The following HEMK2 variants were observed in gnomAD, a reference collection of about 807,000 sequenced individuals.
HEMK2 encodes methyltransferase HEMK2.
the HEMK2 span, among the ~76,000 whole-genome samples, chr21:28,677,259 C>A: frequency 1.3e-5 from 2 of 152,234 alleles, no homozygotes; most frequent in Non-Finnish European, 2.9e-5. Flanking sequence ...TATCCCACGC[C>A]TGGCTCGGAG....
the HEMK2 span, among the ~76,000 whole-genome samples, chr21:28,727,402 T>C: frequency 6.6e-6 from 1 of 152,200 alleles, no homozygotes; most frequent in African/African-American, 2.4e-5. Context: ...TTTGGTTACA[T>C]CATCCTCAGG....
At chr21:28,788,277 TATACACACAC>T in the HEMK2 span, among the ~76,000 whole-genome samples, 19 of 132,232 alleles carry the variant, frequency 1.4e-4, no homozygotes, top group African/African-American at 6.7e-4. Context: ...TTCCATCATA[TATACACACAC>T]ACACACACAC....
the HEMK2 span, among the ~76,000 whole-genome samples, chr21:28,698,381 A>C: frequency 1.3e-5 from 2 of 152,300 alleles, no homozygotes; most frequent in South Asian, 4.1e-4. Flanking sequence ...TAAAATGAAA[A>C]ATTGTTTAAA....
At chr21:28,800,633 T>C in the HEMK2 span, among the ~76,000 whole-genome samples, 1 of 152,176 alleles carries the variant, frequency 6.6e-6, no homozygotes, top group East Asian at 1.9e-4. Flanking sequence ...TATATATCTG[T>C]AAATCTATAT....
At chr21:28,677,633 T>C in the HEMK2 span, among the ~76,000 whole-genome samples, 5 of 152,174 alleles carry the variant, frequency 3.3e-5, no homozygotes, top group Non-Finnish European at 7.3e-5. Context: ...GTAGCCTAAC[T>C]GGGAGGCACC....
chr21:28,692,955 G>C, the HEMK2 span, among the ~76,000 whole-genome samples: 1 of 152,164 alleles, frequency 6.6e-6, no homozygotes, highest in African/African-American at 2.4e-5. Context: ...CGAATCCAAA[G>C]TGGCAGAAAA....
At chr21:28,586,532 C>A in the HEMK2 span, among the ~76,000 whole-genome samples, 1 of 133,414 alleles carries the variant, frequency 7.5e-6, no homozygotes, top group Non-Finnish European at 1.7e-5. Flanking sequence ...AAATGCTAAA[C>A]AACTACCTCA....
chr21:28,711,240 G>A, the HEMK2 span, among the ~76,000 whole-genome samples: 4 of 152,212 alleles, frequency 2.6e-5, no homozygotes, highest in Admixed American at 6.5e-5. Context: ...GGAATGAGAC[G>A]CTTTCATTAT....
chr21:28,759,707 T>C, the HEMK2 span, among the ~76,000 whole-genome samples: 28 of 152,136 alleles, frequency 1.8e-4, no homozygotes, highest in Admixed American at 4.6e-4. Flanking sequence ...GTTCTAATGA[T>C]AGTGAATAAG....
the HEMK2 span, among the ~76,000 whole-genome samples, chr21:28,788,297 C>T: frequency 7.1e-6 from 1 of 140,304 alleles, no homozygotes; most frequent in Non-Finnish European, 1.5e-5. Context: ...CACACACACA[C>T]ACACACATAT....
the HEMK2 span, among the ~76,000 whole-genome samples, chr21:28,749,593 T>C: frequency 6.6e-6 from 1 of 152,206 alleles, no homozygotes; most frequent in South Asian, 2.1e-4. Context: ...TCAAGAAGTG[T>C]GAATACTGAT....
the HEMK2 span, among the ~76,000 whole-genome samples, chr21:28,843,167 C>A: frequency 2.6e-5 from 4 of 152,014 alleles, no homozygotes; most frequent in Admixed American, 2.0e-4. Context: ...TTTGTAAAGA[C>A]AAATTATGCA....
the HEMK2 span, among the ~76,000 whole-genome samples, chr21:28,623,584 CA>C: frequency 6.6e-6 from 1 of 152,128 alleles, no homozygotes; most frequent in Non-Finnish European, 1.5e-5. Flanking sequence ...GGAACCAACC[CA>C]AATGCCCATC....
the HEMK2 span, among the ~76,000 whole-genome samples, chr21:28,729,181 C>T: frequency 8.5e-5 from 13 of 152,282 alleles, no homozygotes; most frequent in East Asian, 1.9e-4. Context: ...TGGGCAGGTG[C>T]GAAAGCCTGT....
chr21:28,698,631 A>T, the HEMK2 span, among the ~76,000 whole-genome samples: 1 of 152,202 alleles, frequency 6.6e-6, no homozygotes, highest in Non-Finnish European at 1.5e-5. Flanking sequence ...AAGATCAAAA[A>T]ACTGCAATTT....
At chr21:28,759,777 CTT>C in the HEMK2 span, among the ~76,000 whole-genome samples, 3 of 152,130 alleles carry the variant, frequency 2.0e-5, no homozygotes, top group Admixed American at 1.3e-4. Flanking sequence ...TTCATTCTCT[CTT>C]GTCTGCCACC....
At chr21:28,791,813 G>A in the HEMK2 span, among the ~76,000 whole-genome samples, 1 of 152,098 alleles carries the variant, frequency 6.6e-6, no homozygotes, top group South Asian at 2.1e-4. Flanking sequence ...GGAAAATGAG[G>A]ATGAGACCTG....
the HEMK2 span, among the ~76,000 whole-genome samples, chr21:28,611,398 C>G: frequency 6.6e-6 from 1 of 151,836 alleles, no homozygotes; most frequent in Non-Finnish European, 1.5e-5. Context: ...ATACTGCAAC[C>G]GATATTACAA....
the HEMK2 span, among the ~76,000 whole-genome samples, chr21:28,706,732 T>C: frequency 1.5e-3 from 233 of 152,304 alleles, no homozygotes; most frequent in African/African-American, 5.5e-3. Context: ...GCCCAGTTTA[T>C]AAAATTATTA....
Sources: gnomAD v4.1 joint callset for allele counts (sites outside exome capture counted in the v4.1 genomes callset) on GRCh38, gnomAD v4.1.1 for gene constraint, MANE v1.5 for transcripts, NCBI Gene and HGNC (gene_info 2026-07-23, HGNC 2026-07-21) for gene names.